The following RGS7 variants were observed in gnomAD, a reference collection of about 807,000 sequenced individuals.
The protein encoded by RGS7 is regulator of G-protein signaling 7.
Under a neutral mutation model 81.1 loss-of-function variants are expected in RGS7, and 27 were observed. That is an observed-to-expected ratio of 0.33 (90% CI 0.25 to 0.46). The LOEUF is 0.46. Ranked by LOEUF, RGS7 falls within the 20% of genes least tolerant of loss-of-function variation. RGS7 has a pLI of 1.00. For synonymous variants in RGS7, 208 were observed against 207.7 expected, an observed-to-expected ratio of 1.00 and a Z score of -0.01; for missense variants, 396 against 607.4, an observed-to-expected ratio of 0.65 and a Z score of 3.66.
chr1:241,120,685 A>T (rs954206506), intron 2 of RGS7, among the ~76,000 whole-genome samples: 15 of 152,110 alleles, frequency 9.9e-5, no homozygotes, highest in African/African-American at 3.6e-4. Context: ...TTTGTACTGT[A>T]CAGAGATCTT....
intron 2 of RGS7, among the ~76,000 whole-genome samples, chr1:241,310,357 G>A (rs2080434873): frequency 6.7e-6 from 1 of 150,094 alleles, no homozygotes; most frequent in African/African-American, 2.4e-5. Flanking sequence ...AGAGACGAAG[G>A]TGTGAGAGTG....
intron 2 of RGS7, among the ~76,000 whole-genome samples, chr1:241,292,560 T>C (rs1464754420): frequency 6.6e-6 from 1 of 152,132 alleles, no homozygotes; most frequent in Non-Finnish European, 1.5e-5. Context: ...GAGAGACAAA[T>C]AGTTGGGATA....
intron 6 of RGS7, among the ~76,000 whole-genome samples, chr1:240,912,137 C>A (rs1431371031): frequency 9.4e-6 from 1 of 105,926 alleles, no homozygotes; most frequent in East Asian, 3.0e-4. Context: ...GGCGACACAG[C>A]GAGATTCTGT....
chr1:240,810,071 C>T (rs1448096387), intron 14 of RGS7, among the ~76,000 whole-genome samples: 1 of 152,134 alleles, frequency 6.6e-6, no homozygotes, highest in African/African-American at 2.4e-5. Flanking sequence ...TTCTCTCTTC[C>T]TGTTTTGATG....
intron 2 of RGS7, among the ~76,000 whole-genome samples, chr1:241,347,081 G>T (rs1012362013): frequency 7.9e-5 from 12 of 152,226 alleles, no homozygotes; most frequent in African/African-American, 2.6e-4. Context: ...AAATTTCTAT[G>T]AAACCAGTTT....
chr1:240,826,994 TG>T, intron 10 of RGS7, 103 bp downstream of exon 10: 3 of 938,936 alleles, frequency 3.2e-6, no homozygotes, highest in Non-Finnish European at 3.5e-6. Context: ...CTGGGAAGAG[TG>T]GGAAAGATAC....
intron 2 of RGS7, among the ~76,000 whole-genome samples, chr1:241,287,772 G>C (rs1436492983): frequency 6.6e-6 from 1 of 151,492 alleles, no homozygotes; most frequent in Non-Finnish European, 1.5e-5. Context: ...CACGACAGAG[G>C]GACTTCTAAG....
At chr1:241,064,722 T>A (rs1439755921) in intron 3 of RGS7, among the ~76,000 whole-genome samples, 1 of 150,864 alleles carries the variant, frequency 6.6e-6, no homozygotes, top group African/African-American at 2.5e-5. Flanking sequence ...TAAGACCTCA[T>A]TTAAAAAAAA....
intron 2 of RGS7, among the ~76,000 whole-genome samples, chr1:241,349,021 T>C (rs938169137): frequency 6.6e-6 from 1 of 152,194 alleles, no homozygotes; most frequent in African/African-American, 2.4e-5. Flanking sequence ...ATAATAATAT[T>C]AATTATACTA....
chr1:240,976,017 C>T (rs1684016057), intron 4 of RGS7, among the ~76,000 whole-genome samples: 2 of 152,206 alleles, frequency 1.3e-5, no homozygotes, highest in Admixed American at 1.3e-4. Flanking sequence ...TCACGTTGTG[C>T]TTGTAACCCT....
At chr1:240,922,464 AACGT>A (rs1407510973) in intron 6 of RGS7, among the ~76,000 whole-genome samples, 3 of 152,084 alleles carry the variant, frequency 2.0e-5, no homozygotes, top group African/African-American at 7.2e-5. Context: ...ATCTTTGCAA[AACGT>A]ATCTGATAAA....
intron 2 of RGS7, among the ~76,000 whole-genome samples, chr1:241,215,576 T>G (rs1162456356): frequency 6.6e-6 from 1 of 152,178 alleles, no homozygotes; most frequent in Non-Finnish European, 1.5e-5. Flanking sequence ...TCCCCCAGTT[T>G]CCAGCTGCTC....
chr1:241,100,184 G>A (rs2064617421), intron 2 of RGS7, among the ~76,000 whole-genome samples: 2 of 150,558 alleles, frequency 1.3e-5, no homozygotes, highest in South Asian at 4.2e-4. Flanking sequence ...GACCATCCTG[G>A]CTAACACGGT....
Position 241,224,281 on chromosome 1 carries a change from G to A in RGS7, c.79-125519C>T, listed in dbSNP as rs370885742. ...CCCTCAACAGGCCCTGGTGTGTGAT[G>A]TTCCCCTCCCTATGTCCACGTGTTC... On this transcript the variant is annotated intron_variant, in intron 2 of 18. Transcript: ENST00000440928. Among the ~76,000 whole-genome samples, 21 of 120,438 alleles carry A rather than the reference G, an allele frequency of 1.7e-4. No homozygotes were observed. In the East Asian group the frequency reaches 3.6e-3, roughly 20 times the overall value. The allele number at this position is 120,438 out of a possible 152,430, so 79.0% of individuals were successfully genotyped here. A position where few individuals can be genotyped will look rare whatever the true frequency, so the allele number is the denominator to read the frequency against.
intron 9 of RGS7, among the ~76,000 whole-genome samples, chr1:240,867,301 T>C (rs6681663): frequency 0.017 from 2,613 of 152,236 alleles, 99 homozygotes; most frequent in African/African-American, 0.06. Context: ...TGGGAGAAAA[T>C]TGTAAGGTAT....
intron 9 of RGS7, among the ~76,000 whole-genome samples, chr1:240,833,228 G>C (rs2147835539): frequency 6.6e-6 from 1 of 152,278 alleles, no homozygotes; most frequent in African/African-American, 2.4e-5. Flanking sequence ...GTGCCTAACA[G>C]GTGGGTACCA....
intron 3 of RGS7, among the ~76,000 whole-genome samples, chr1:241,003,547 C>T (rs964082081): frequency 4.6e-5 from 7 of 151,658 alleles, no homozygotes; most frequent in Non-Finnish European, 7.4e-5. Context: ...TAAGTGCCAA[C>T]CTTACTATCA....
chr1:241,188,651 A>C (rs2072338140), intron 2 of RGS7, among the ~76,000 whole-genome samples: 1 of 152,144 alleles, frequency 6.6e-6, no homozygotes, highest in Admixed American at 6.6e-5. Flanking sequence ...AACAAATAAA[A>C]CCACCTCATG....
chr1:240,852,895 T>C (rs1397611595), intron 9 of RGS7, among the ~76,000 whole-genome samples: 2 of 152,200 alleles, frequency 1.3e-5, no homozygotes, highest in Non-Finnish European at 2.9e-5. Flanking sequence ...ACAGTGAAAC[T>C]TGATGAAGGA....
Sources: gnomAD v4.1 joint callset for allele counts (sites outside exome capture counted in the v4.1 genomes callset) on GRCh38, gnomAD v4.1.1 for gene constraint, MANE v1.5 for transcripts, NCBI Gene and HGNC (gene_info 2026-07-23, HGNC 2026-07-21) for gene names.